Variants in GNA14 observed in about 807,000 individuals in gnomAD.
GNA14 encodes G protein subunit alpha 14.
A neutral mutation model predicts 42.0 loss-of-function variants in GNA14; 50 were observed. The observed-to-expected ratio is 1.19, with a 90% CI of 0.95 to 1.51. The LOEUF (loss-of-function observed/expected upper bound fraction) is 1.51. Among genes scored for constraint, GNA14 ranks in the 40% most tolerant of loss-of-function variants. The pLI is 0.00. For synonymous variants in GNA14, 173 were observed against 163.1 expected (o/e 1.06, Z -0.46); for missense variants, 473 against 446.2 (o/e 1.06, Z -0.54).
chr9:77,515,308 C>T (rs1310704112), intron 2 of GNA14, among the ~76,000 whole-genome samples: 1 of 152,054 alleles, frequency 6.6e-6, no homozygotes, highest in African/African-American at 2.4e-5. Flanking sequence ...CGTGGGCAGG[C>T]AAAGAGGAAA....
chr9:77,477,001 T>C (rs1289972900), intron 2 of GNA14, among the ~76,000 whole-genome samples: 2 of 152,170 alleles, frequency 1.3e-5, no homozygotes, highest in East Asian at 3.9e-4. Flanking sequence ...TTCTGTAATT[T>C]GCTCCCTCAG....
At chr9:77,498,373 C>G (rs1320459300) in intron 2 of GNA14, among the ~76,000 whole-genome samples, 2 of 54,136 alleles carry the variant, frequency 3.7e-5, no homozygotes, top group Non-Finnish European at 7.0e-5. Flanking sequence ...AAGTCTGTCT[C>G]AAAAAAAAAA....
At chr9:77,460,025 C>T (rs749751494) in intron 2 of GNA14, among the ~76,000 whole-genome samples, 1 of 152,152 alleles carries the variant, frequency 6.6e-6, no homozygotes. Flanking sequence ...GCTTTGGTCT[C>T]CCTGTTCTTT....
At chr9:77,535,205 C>G (rs1417184248) in intron 1 of GNA14, among the ~76,000 whole-genome samples, 1 of 152,196 alleles carries the variant, frequency 6.6e-6, no homozygotes, top group Admixed American at 6.5e-5. Flanking sequence ...GCAGGAGTTT[C>G]TGCACCTGTG....
At chr9:77,433,545 C>T (rs1269819392) in intron 3 of GNA14, among the ~76,000 whole-genome samples, 1 of 151,888 alleles carries the variant, frequency 6.6e-6, no homozygotes, top group African/African-American at 2.4e-5. Flanking sequence ...GTAATTTTTG[C>T]AGAGACGAGG....
intron 1 of GNA14, among the ~76,000 whole-genome samples, chr9:77,594,383 C>A (rs565894698): frequency 2.0e-5 from 3 of 152,284 alleles, no homozygotes; most frequent in African/African-American, 7.2e-5. Context: ...ACATCGGCTC[C>A]GAGTGTGGAA....
intron 1 of GNA14, among the ~76,000 whole-genome samples, chr9:77,603,160 G>C (rs1056080256): frequency 6.6e-6 from 1 of 152,146 alleles, no homozygotes; most frequent in Non-Finnish European, 1.5e-5. Flanking sequence ...CTTCTTTCAT[G>C]AACAATTATG....
chr9:77,635,394 G>A (rs1824167878), intron 1 of GNA14: 2 of 152,118 alleles, frequency 1.3e-5, no homozygotes, highest in Non-Finnish European at 2.9e-5. Flanking sequence ...TCGCATATAA[G>A]ACCACTTGAA....
rs115531853 is a variant in GNA14, at chr9:77,600,367, C to A, written c.124+47303G>T. ...TCATCAGTAAAGACAATTTTTTAAA[C>A]CATTTTTTCTTGTGAAACTGTGAGA... On this transcript the variant is annotated intron_variant, in intron 1 of 6. Coordinates refer to ENST00000341700, the MANE Select transcript of GNA14 (RefSeq NM_004297.4). Among the ~76,000 whole-genome samples the A allele has an allele frequency of 7.4e-3, 1,128 of 152,254 alleles. 8 individuals are homozygous for A. Among genetic ancestry groups the A allele is most frequent in the African/African-American group, 0.025 (1,037 of 41,550 alleles).
intron 1 of GNA14, among the ~76,000 whole-genome samples, chr9:77,623,880 T>C (rs1823972846): frequency 1.3e-5 from 2 of 152,144 alleles, no homozygotes; most frequent in African/African-American, 4.8e-5. Context: ...GGAGTTTTTT[T>C]CCATACCCCA....
intron 2 of GNA14, among the ~76,000 whole-genome samples, chr9:77,443,013 A>G (rs530698946): frequency 2.0e-5 from 3 of 152,368 alleles, no homozygotes; most frequent in East Asian, 1.9e-4. Flanking sequence ...TAGCAGCTCT[A>G]AAGTTTTATG....
chr9:77,572,872 C>T lies in GNA14; in HGVS notation c.125-43619G>A, dbSNP rs562319193. ...TTATAGCAATAATTTACTAAATGTT[C>T]CATTGTGGCTTCATGGAGATAATAT... On this transcript the variant is annotated intron_variant, in intron 1 of 6. Transcript: ENST00000341700. 2.6e-5 allele frequency among the ~76,000 whole-genome samples: 4 copies of T among 152,184 alleles called. No individual in the cohort carries two copies. The South Asian group carries it at 8.3e-4, about 32-fold the overall frequency.
At chr9:77,592,104 C>T (rs938168949) in intron 1 of GNA14, among the ~76,000 whole-genome samples, 7 of 151,900 alleles carry the variant, frequency 4.6e-5, no homozygotes, top group South Asian at 2.1e-4. Context: ...TTAATAGAGA[C>T]GGGGTTTCAC....
At chr9:77,540,383 G>A (rs1346121457) in intron 1 of GNA14, among the ~76,000 whole-genome samples, 1 of 152,020 alleles carries the variant, frequency 6.6e-6, no homozygotes, top group African/African-American at 2.4e-5. Context: ...CTTGTTTTGT[G>A]GCCTAAAACA....
chr9:77,517,373 C>T (rs1489196940), intron 2 of GNA14: 2 of 151,798 alleles, frequency 1.3e-5, no homozygotes, highest in African/African-American at 4.8e-5. Flanking sequence ...AGCGAGGGGC[C>T]ACCCATTAAT....
chr9:77,555,931 T>C (rs912476050), intron 1 of GNA14, among the ~76,000 whole-genome samples: 1 of 152,184 alleles, frequency 6.6e-6, no homozygotes, highest in Non-Finnish European at 1.5e-5. Context: ...ATAATACCAT[T>C]TGCTTCAACA....
At chr9:77,634,599 G>C (rs1824152246) in intron 1 of GNA14, among the ~76,000 whole-genome samples, 1 of 151,972 alleles carries the variant, frequency 6.6e-6, no homozygotes, top group Non-Finnish European at 1.5e-5. Context: ...CTGGAATCCA[G>C]GCTCAATTTT....
intron 1 of GNA14, among the ~76,000 whole-genome samples, chr9:77,618,632 T>A (rs1292676767): frequency 2.2e-5 from 1 of 45,652 alleles, no homozygotes; most frequent in African/African-American, 1.0e-4. Context: ...TTTTTTTTTT[T>A]TTTTTTTTTT....
intron 1 of GNA14, among the ~76,000 whole-genome samples, chr9:77,619,085 G>A (rs1226178911): frequency 1.3e-5 from 2 of 152,082 alleles, no homozygotes; most frequent in African/African-American, 4.8e-5. Flanking sequence ...GGACAGCCCT[G>A]GTTTGGAGAG....
Sources: gnomAD v4.1 joint callset for allele counts (sites outside exome capture counted in the v4.1 genomes callset) on GRCh38, gnomAD v4.1.1 for gene constraint, MANE v1.5 for transcripts, NCBI Gene and HGNC (gene_info 2026-07-23, HGNC 2026-07-21) for gene names.